COPG2: variants seen among roughly 807,000 people sequenced by gnomAD.
The protein encoded by COPG2 is coatomer subunit gamma-2.
COPG2 carries 37 observed loss-of-function variants against 46.3 expected under a neutral mutation model. The observed-to-expected ratio is 0.80, with a 90% confidence interval of 0.61 to 1.05. The LOEUF (loss-of-function observed/expected upper bound fraction) is 1.05, where lower values mean the gene tolerates loss of function less well. COPG2 is among the 50% of genes least tolerant of loss of function. The pLI is 0.00. For synonymous variants in COPG2, 159 were observed against 129.7 expected (o/e 1.23, Z -1.53); for missense variants, 427 against 387.8 (o/e 1.10, Z -0.85).
intron 20 of COPG2, among the ~76,000 whole-genome samples, chr7:130,546,557 A>G (rs997044625): frequency 1.3e-5 from 2 of 152,200 alleles, no homozygotes; most frequent in African/African-American, 4.8e-5. Context: ...AAAGAATAGA[A>G]GTAGAGTTCC....
intron 3 of COPG2, among the ~76,000 whole-genome samples, chr7:130,665,035 G>T (rs1796046574): frequency 6.6e-6 from 1 of 151,842 alleles, no homozygotes; most frequent in Non-Finnish European, 1.5e-5. Flanking sequence ...ATAAAAATTA[G>T]CCAGGCGTGG....
chr7:130,625,781 A>T, intron 5 of COPG2, among the ~76,000 whole-genome samples: 1 of 151,092 alleles, frequency 6.6e-6, no homozygotes, highest in East Asian at 1.9e-4. Flanking sequence ...TTCCTCATTA[A>T]TTTCTGTTTT....
chr7:130,604,248 A>C (rs1187792182), intron 9 of COPG2, among the ~76,000 whole-genome samples: 1 of 152,220 alleles, frequency 6.6e-6, no homozygotes, highest in African/African-American at 2.4e-5. Flanking sequence ...GTTATTTATA[A>C]GAAGCCAATT....
chr7:130,668,707 TCC>T lies in COPG2; in HGVS notation c.-41_-40del, dbSNP rs782716821. ...CCAGCGCCCAGACCCACCGCAACCG[TCC>T]CAGGCGCCGCAGCCGGCGAGCGGAA... On this transcript the variant is annotated 5_prime_UTR_variant, in exon 1 of 24. Transcript: ENST00000425248. The T allele has an allele frequency of 6.6e-7, 1 of 1,513,424 alleles. No individual in the cohort carries two copies. Among genetic ancestry groups the T allele is most frequent in the Middle Eastern group, 1.7e-4 (1 of 5,836 alleles). 93.7% of individuals were successfully genotyped at this position (1,513,424 alleles called of 1,614,324 possible).
chr7:130,577,277 G>T (rs1554446356), intron 9 of COPG2, among the ~76,000 whole-genome samples: 3 of 152,224 alleles, frequency 2.0e-5, no homozygotes, highest in African/African-American at 4.8e-5. Flanking sequence ...TCTCACTAGG[G>T]AGTGCCAGAC....
Position 130,546,364 on chromosome 7 carries a change from G to A in COPG2, c.2149+1310C>T, listed in dbSNP as rs981948882. Among the ~76,000 whole-genome samples the A allele has an allele frequency of 9.6e-4, 146 of 152,264 alleles. 2 individuals carry two copies. The highest frequency in any genetic ancestry group is 1.3e-3 in the Non-Finnish European group (89 of 68,028). ...GACATATTTCAGACAAATCTAACTG[G>A]AGAGAAAAACAGACCAGGAGAGAAA... is the stretch of plus-strand genomic sequence containing the variant. On this transcript the variant is annotated intron_variant, in intron 20 of 23. Transcript: ENST00000425248.
intron 9 of COPG2, among the ~76,000 whole-genome samples, chr7:130,598,761 A>C (rs1242001701): frequency 6.6e-6 from 1 of 152,186 alleles, no homozygotes; most frequent in African/African-American, 2.4e-5. Flanking sequence ...ACAAGTTCAA[A>C]AGATTTACCA....
chr7:130,510,081 C>G (rs782585764), intron 20 of COPG2: 1 of 520,030 alleles, frequency 1.9e-6, no homozygotes, highest in South Asian at 1.4e-5. Flanking sequence ...GATTTTCCAA[C>G]AGGCTCTGGT....
At chr7:130,537,607 G>A (rs1799893908) in intron 20 of COPG2, among the ~76,000 whole-genome samples, 1 of 152,000 alleles carries the variant, frequency 6.6e-6, no homozygotes, top group East Asian at 1.9e-4. Context: ...GGACAGAGGA[G>A]AGGTGTTCCC....
chr7:130,647,517 G>A (rs1235456990), intron 5 of COPG2, among the ~76,000 whole-genome samples: 4 of 151,912 alleles, frequency 2.6e-5, no homozygotes, highest in Non-Finnish European at 5.9e-5. Context: ...TACCTAGAAG[G>A]GGTATTACTG....
intron 9 of COPG2, chr7:130,609,983 G>A (rs1455602561): frequency 2.1e-6 from 1 of 474,120 alleles, no homozygotes; most frequent in African/African-American, 2.0e-5. Context: ...TCACTTTAGA[G>A]AAGTTGTTTA....
At chr7:130,506,987 G>A (rs1799505228) in intron 23 of COPG2, among the ~76,000 whole-genome samples, 181 bp from the exon 24 acceptor site, 1 of 152,116 alleles carries the variant, frequency 6.6e-6, no homozygotes, top group Admixed American at 6.5e-5. Context: ...ATATTCCCAT[G>A]AAACCAGGTA....
chr7:130,658,970 G>A (rs1438136752), intron 4 of COPG2, among the ~76,000 whole-genome samples: 3 of 151,940 alleles, frequency 2.0e-5, no homozygotes, highest in Non-Finnish European at 4.4e-5. Context: ...GTGAGCCACC[G>A]GGCCCAGCCG....
At chr7:130,607,791 T>G (rs368608971) in intron 9 of COPG2, 121 of 520,140 alleles carry the variant, frequency 2.3e-4, no homozygotes, top group African/African-American at 2.2e-3. Flanking sequence ...TACTGTAGCT[T>G]TCTGTCATCC....
In COPG2 at chr7:130,626,226, C is replaced by T. The variant is rs1795116890; in HGVS notation, c.324-9161G>A. On this transcript the variant is annotated intron_variant, in intron 5 of 23. Coordinates refer to ENST00000425248, the MANE Select transcript of COPG2 (RefSeq NM_012133.6). ...TGATATGTAGTTATGTAGTGATTTG[C>T]CTTTTTTCCCCCAAATTCAGCATGA... Among the ~76,000 whole-genome samples, 4 of 152,124 alleles carry T rather than the reference C, an allele frequency of 2.6e-5. No individual in the cohort carries two copies. In the South Asian group the frequency reaches 8.3e-4, roughly 32 times the overall value.
At chr7:130,514,119 G>C (rs1554441412) in intron 20 of COPG2, among the ~76,000 whole-genome samples, 1 of 152,242 alleles carries the variant, frequency 6.6e-6, no homozygotes, top group Admixed American at 6.5e-5. Flanking sequence ...TGCAGACTTT[G>C]AAAAGCAGTA....
intron 18 of COPG2, 23 bp downstream of exon 18, chr7:130,549,291 G>A (rs931782446): frequency 8.8e-4 from 350 of 398,444 alleles, no homozygotes; most frequent in African/African-American, 6.4e-3. Flanking sequence ...AGATTATTAC[G>A]TCTAACCATC....
chr7:130,611,470 T>C lies in COPG2; in HGVS notation c.580-360A>G, dbSNP rs542855182. 3.3e-5 allele frequency among the ~76,000 whole-genome samples: 5 copies of C among 152,252 alleles called. No homozygotes were observed. In the South Asian group the frequency reaches 1.0e-3, roughly 32 times the overall value. On this transcript the variant is annotated intron_variant, in intron 8 of 23. Coordinates refer to ENST00000425248, the MANE Select transcript of COPG2 (RefSeq NM_012133.6). ...AGTGGCTTTACATCATCTGTGGCCA[T>C]CTTAGTAATTAAAGGATTAATCTCC...
At chr7:130,559,691 T>G in intron 12 of COPG2, among the ~76,000 whole-genome samples, 1 of 152,282 alleles carries the variant, frequency 6.6e-6, no homozygotes, top group Non-Finnish European at 1.5e-5. Context: ...CAAGGTATCT[T>G]AATAACAAAT....
Sources: gnomAD v4.1 joint callset for allele counts (sites outside exome capture counted in the v4.1 genomes callset) on GRCh38, gnomAD v4.1.1 for gene constraint, MANE v1.5 for transcripts, NCBI Gene and HGNC (gene_info 2026-07-23, HGNC 2026-07-21) for gene names.